The following KCND2 variants were observed in gnomAD, a reference collection of about 807,000 sequenced individuals.
KCND2 encodes the protein A-type voltage-gated potassium channel KCND2.
Under a neutral mutation model 54.4 loss-of-function variants are expected in KCND2, and 16 were observed. The observed-to-expected ratio is 0.29, with a 90% CI of 0.20 to 0.45. KCND2 has a LOEUF of 0.45. Ranked by LOEUF, KCND2 falls within the 20% of genes least tolerant of loss-of-function variation. The probability of loss-of-function intolerance (pLI) is 1.00; values close to 1 mark genes in which losing one functional copy is unlikely to be tolerated. For missense variants in KCND2, 486 were observed against 824.2 expected, an observed-to-expected ratio of 0.59 and a Z score of 5.02; for synonymous variants, 317 against 310.7, an observed-to-expected ratio of 1.02 and a Z score of -0.21.
At chr7:120,440,701 T>TA (rs1801934660) in intron 1 of KCND2, among the ~76,000 whole-genome samples, 1 of 151,950 alleles carries the variant, frequency 6.6e-6, no homozygotes, top group Non-Finnish European at 1.5e-5. Context: ...CATTTATCTG[T>TA]ATGTGGATAT....
In KCND2 at chr7:120,610,660, A is replaced by G. The variant is rs553618628; in HGVS notation, c.1116-122243A>G. Among the ~76,000 whole-genome samples, 4 of 152,198 alleles carry G rather than the reference A, an allele frequency of 2.6e-5. No homozygotes were observed. The East Asian group carries it at 7.7e-4, about 29-fold the overall frequency. On this transcript the variant is annotated intron_variant, in intron 1 of 5. Transcript: ENST00000331113. Reference sequence around the variant, plus strand: ...CAAATAAATTCCCTTCCCCCAAATAAACACGAGATAGATATACTGTGCAAT... The same window carrying G: ...CAAATAAATTCCCTTCCCCCAAATAGACACGAGATAGATATACTGTGCAAT...
At chr7:120,683,382 T>C (rs1792163794) in intron 1 of KCND2, among the ~76,000 whole-genome samples, 1 of 152,084 alleles carries the variant, frequency 6.6e-6, no homozygotes, top group Non-Finnish European at 1.5e-5. Flanking sequence ...TGTTGTGTAG[T>C]GTTGAAAGAT....
rs536384178 is a variant in KCND2 at position 120,694,247 on chromosome 7, C to G, written c.1116-38656C>G. ...TTTGGCTCTGTTTCTTATCAACACA[C>G]TTTGGTGGGGCGGAGCCACCTCAGC... On this transcript the variant is annotated intron_variant, in intron 1 of 5. Transcript: ENST00000331113. Among the ~76,000 whole-genome samples, 6 of 152,282 alleles carry G rather than the reference C, an allele frequency of 3.9e-5. No individual in the cohort carries two copies. In the South Asian group the frequency reaches 1.2e-3, roughly 32 times the overall value.
At chr7:120,528,199 G>A (rs551425719) in intron 1 of KCND2, among the ~76,000 whole-genome samples, 16 of 152,154 alleles carry the variant, frequency 1.1e-4, no homozygotes, top group Admixed American at 1.0e-3. Context: ...AATTGGATCA[G>A]GAAAGCTTCT....
intron 1 of KCND2, among the ~76,000 whole-genome samples, chr7:120,293,101 G>A (rs1168449004): frequency 1.3e-5 from 2 of 151,864 alleles, no homozygotes; most frequent in East Asian, 3.9e-4. Flanking sequence ...TTGATTCATA[G>A]TTGAGAATAA....
intron 1 of KCND2, among the ~76,000 whole-genome samples, chr7:120,587,684 C>T (rs1228542716): frequency 2.0e-5 from 3 of 152,156 alleles, no homozygotes; most frequent in Non-Finnish European, 2.9e-5. Flanking sequence ...AAAACCACCA[C>T]TTTCAGTTTT....
intron 1 of KCND2, among the ~76,000 whole-genome samples, chr7:120,311,252 G>A (rs779623777): frequency 2.0e-5 from 3 of 152,046 alleles, no homozygotes; most frequent in Non-Finnish European, 4.4e-5. Flanking sequence ...AATTTTTGTG[G>A]CATCTTAATA....
At chr7:120,486,327 C>T (rs555829384) in intron 1 of KCND2, among the ~76,000 whole-genome samples, 1 of 152,102 alleles carries the variant, frequency 6.6e-6, no homozygotes, top group African/African-American at 2.4e-5. Context: ...GAACTAAAAA[C>T]AATGAAACCT....
intron 1 of KCND2, among the ~76,000 whole-genome samples, chr7:120,670,847 C>T (rs1791983465): frequency 1.3e-5 from 2 of 149,448 alleles, no homozygotes; most frequent in African/African-American, 2.5e-5. Context: ...ACTTGGGAGG[C>T]GGAGCTTGCA....
At chr7:120,581,857 A>G (rs963886900) in intron 1 of KCND2, among the ~76,000 whole-genome samples, 3 of 151,994 alleles carry the variant, frequency 2.0e-5, no homozygotes. Flanking sequence ...GATTACAGAC[A>G]TGCACCACCA....
chr7:120,413,530 T>C (rs1374317411), intron 1 of KCND2, among the ~76,000 whole-genome samples: 1 of 152,010 alleles, frequency 6.6e-6, no homozygotes, highest in Non-Finnish European at 1.5e-5. Context: ...TGTATACACA[T>C]ACATAAATCT....
Position 120,275,708 on chromosome 7 carries a change from C to T in KCND2, c.1076C>T (p.Ala359Val). 2.5e-6 allele frequency: 4 copies of T among 1,601,336 alleles called. No homozygotes were observed. The highest frequency in any genetic ancestry group is 3.4e-6 in the Non-Finnish European group (4 of 1,179,942). Residue 359 changes from alanine (A) to valine (V), a missense_variant, in exon 1 of 6, where the codon GCA becomes GTA. By Grantham distance (64) the Ala-to-Val change is moderately conservative. Transcript: ENST00000331113. The stretch of plus-strand genomic sequence containing the variant: ...GCTAGCAAGTTCACCAGCATCCCTG[C>T]AGCCTTCTGGTATACCATCGTCACC... ...SSASKFTSIP[A>V]AFWYTIVTMT...
intron 4 of KCND2, among the ~76,000 whole-genome samples, chr7:120,743,540 C>T (rs771825312): frequency 6.6e-6 from 1 of 152,106 alleles, no homozygotes; most frequent in Admixed American, 6.6e-5. Flanking sequence ...AAAGCAACAA[C>T]GGTGCCACAG....
At chr7:120,652,324 T>C (rs2116546857) in intron 1 of KCND2, among the ~76,000 whole-genome samples, 1 of 152,226 alleles carries the variant, frequency 6.6e-6, no homozygotes, top group South Asian at 2.1e-4. Flanking sequence ...TCCACTTGCC[T>C]TGGTCTCCCA....
chr7:120,371,098 GA>G lies in KCND2; in HGVS notation c.1115+95352del, dbSNP rs1425161103. On this transcript the variant is annotated intron_variant, in intron 1 of 5. Coordinates refer to ENST00000331113, the MANE Select transcript of KCND2 (RefSeq NM_012281.3). ...CATGTCTCTATCGTAATTGATGGGA[GA>G]GAGAACATGCCACACCGTACACTTC... Among the ~76,000 whole-genome samples the G allele has an allele frequency of 8.5e-5, 13 of 152,048 alleles. No individual in the cohort carries two copies. In the East Asian group the frequency reaches 2.5e-3, roughly 29 times the overall value.
intron 1 of KCND2, among the ~76,000 whole-genome samples, chr7:120,631,329 C>T (rs1793231055): frequency 6.6e-6 from 1 of 151,920 alleles, no homozygotes; most frequent in South Asian, 2.1e-4. Context: ...TAGTCAATTT[C>T]AATTTGAGGC....
intron 1 of KCND2, among the ~76,000 whole-genome samples, chr7:120,447,115 G>A (rs1802028547): frequency 6.6e-6 from 1 of 152,030 alleles, no homozygotes. Context: ...AAATGGATAA[G>A]CCAGTACTCA....
intron 1 of KCND2, among the ~76,000 whole-genome samples, chr7:120,695,133 C>T (rs1792317858): frequency 6.6e-6 from 1 of 151,880 alleles, no homozygotes; most frequent in Admixed American, 6.6e-5. Context: ...CATGATGTAG[C>T]ATGATTTTGT....
intron 1 of KCND2, among the ~76,000 whole-genome samples, chr7:120,539,419 A>G (rs77707504): frequency 0.028 from 4,220 of 152,276 alleles, 88 homozygotes; most frequent in Non-Finnish European, 0.046. Flanking sequence ...AATGTCTGCA[A>G]TGCACATGAT....
Sources: allele counts gnomAD v4.1 joint callset (sites outside exome capture counted in the v4.1 genomes callset), GRCh38; gene constraint gnomAD v4.1.1; transcripts MANE v1.5; gene names NCBI Gene and HGNC (gene_info 2026-07-23, HGNC 2026-07-21).